The following RERE variants were observed in gnomAD, a reference collection of about 807,000 sequenced individuals.
RERE encodes the protein arginine-glutamic acid dipeptide repeats.
RERE carries 40 observed loss-of-function variants against 146.1 expected under a neutral mutation model. The ratio of observed to expected loss-of-function variants is 0.27; its 90% CI spans 0.21 to 0.36. The LOEUF (loss-of-function observed/expected upper bound fraction) is 0.36. Among genes scored for constraint, RERE ranks in the 10% least tolerant of loss-of-function variants. The probability of loss-of-function intolerance (pLI) is 1.00; values close to 1 mark genes in which losing one functional copy is unlikely to be tolerated. For missense variants in RERE, 1,933 were observed against 2,138.7 expected, an observed-to-expected ratio of 0.90 and a Z score of 1.90; for synonymous variants, 1,003 against 866.0, an observed-to-expected ratio of 1.16 and a Z score of -2.78.
chr1:8,783,220 A>G (rs1641197638), intron 1 of RERE, among the ~76,000 whole-genome samples: 1 of 152,078 alleles, frequency 6.6e-6, no homozygotes, highest in Non-Finnish European at 1.5e-5. Flanking sequence ...CTATATTCCC[A>G]TCTACTTGGG....
chr1:8,779,235 A>C (rs1641122290), intron 1 of RERE, among the ~76,000 whole-genome samples: 1 of 151,868 alleles, frequency 6.6e-6, no homozygotes, highest in South Asian at 2.1e-4. Flanking sequence ...ATCTGCTAGA[A>C]TATAAGTTCC....
chr1:8,403,688 C>T (rs1643344469), intron 12 of RERE, among the ~76,000 whole-genome samples: 1 of 151,970 alleles, frequency 6.6e-6, no homozygotes, highest in African/African-American at 2.4e-5. Context: ...TTCACATAAT[C>T]AGCTTTTGAT....
chr1:8,490,411 G>A (rs1220273749), intron 10 of RERE, among the ~76,000 whole-genome samples: 2 of 149,090 alleles, frequency 1.3e-5, no homozygotes, highest in African/African-American at 5.1e-5. Flanking sequence ...AGCTTCCTAC[G>A]TACAAACAAT....
intron 7 of RERE, among the ~76,000 whole-genome samples, chr1:8,523,886 C>A (rs1270628881): frequency 6.6e-6 from 1 of 152,190 alleles, no homozygotes; most frequent in Non-Finnish European, 1.5e-5. Context: ...TTCCTGTTCA[C>A]ATTTTTATTT....
intron 12 of RERE, among the ~76,000 whole-genome samples, chr1:8,369,372 T>C (rs1401093943): frequency 6.6e-6 from 1 of 151,978 alleles, no homozygotes; most frequent in Non-Finnish European, 1.5e-5. Context: ...AAATCTAACA[T>C]TGAAATCAAC....
intron 12 of RERE, among the ~76,000 whole-genome samples, chr1:8,389,071 A>G (rs1642789220): frequency 6.6e-6 from 1 of 152,216 alleles, no homozygotes; most frequent in African/African-American, 2.4e-5. Context: ...AGGAAAGTAC[A>G]GTGCTTATGA....
chr1:8,358,868 T>C lies in RERE; in HGVS notation c.3667A>G (p.Ser1223Gly), dbSNP rs751551318. ...GATGGCCGCATGTGGCCAGGACCAC[T>C]GAGCTGTGGGTCACTGAGGCGACCT... ...HEGRLSDPQL[S>G]GPGHMRPSFE... The change falls in exon 20 of 23, where the codon AGT becomes GGT. Residue 1223 changes from serine (S) to glycine (G), a missense_variant. Coordinates refer to ENST00000400908, the MANE Select transcript of RERE (RefSeq NM_001042681.2). 2 of 1,583,994 alleles carry C rather than the reference T, an allele frequency of 1.3e-6. No individual in the cohort carries two copies. Among genetic ancestry groups the C allele is most frequent in the African/African-American group, 2.7e-5 (2 of 74,310 alleles).
intron 11 of RERE, among the ~76,000 whole-genome samples, chr1:8,434,083 T>C (rs1053506485): frequency 6.6e-6 from 1 of 152,216 alleles, no homozygotes; most frequent in African/African-American, 2.4e-5. Flanking sequence ...ATCATGATAA[T>C]GGACAGCTCC....
chr1:8,567,355 T>C (rs1324506264), intron 4 of RERE, among the ~76,000 whole-genome samples: 1 of 152,238 alleles, frequency 6.6e-6, no homozygotes, highest in Non-Finnish European at 1.5e-5. Context: ...GGCAGATGAC[T>C]ATTCACAGTG....
At chr1:8,710,220 T>G (rs1639639000) in intron 1 of RERE, among the ~76,000 whole-genome samples, 1 of 152,226 alleles carries the variant, frequency 6.6e-6, no homozygotes, top group South Asian at 2.1e-4. Context: ...ACAGACACTC[T>G]CAATCCCAAA....
At chr1:8,723,631 T>C (rs1032814354) in intron 1 of RERE, among the ~76,000 whole-genome samples, 1 of 152,212 alleles carries the variant, frequency 6.6e-6, no homozygotes, top group Non-Finnish European at 1.5e-5. Context: ...GTTCTTCAAA[T>C]TAAGCAAGTG....
intron 3 of RERE, among the ~76,000 whole-genome samples, chr1:8,617,070 T>C (rs754250130): frequency 5.4e-4 from 82 of 152,218 alleles, no homozygotes; most frequent in Non-Finnish European, 6.9e-4. Flanking sequence ...TCTTGCTTGA[T>C]GCGGTGGTTC....
chr1:8,355,684 A>C, intron 21 of RERE, 85 bp from the exon 22 acceptor site: 1 of 1,180,540 alleles, frequency 8.5e-7, no homozygotes, highest in Non-Finnish European at 1.2e-6. Context: ...CAAACGGCAA[A>C]GAGCACAGGA....
chr1:8,404,290 G>A (rs535679749), intron 12 of RERE, among the ~76,000 whole-genome samples: 23 of 152,198 alleles, frequency 1.5e-4, no homozygotes, highest in Non-Finnish European at 2.6e-4. Context: ...GGTGGCGGGC[G>A]CCTGTAGTCC....
intron 1 of RERE, among the ~76,000 whole-genome samples, chr1:8,775,608 T>A (rs756443164): frequency 2.0e-4 from 31 of 152,206 alleles, no homozygotes; most frequent in Non-Finnish European, 3.7e-4. Context: ...ATAAATCAAC[T>A]TTTTTAAAAA....
At chr1:8,418,917 G>C (rs1643849397) in intron 12 of RERE, among the ~76,000 whole-genome samples, 1 of 152,096 alleles carries the variant, frequency 6.6e-6, no homozygotes, top group Admixed American at 6.5e-5. Flanking sequence ...GTTCTCCACT[G>C]TCCTCCCAAA....
At chr1:8,501,193 T>C (rs1399889195) in intron 8 of RERE, among the ~76,000 whole-genome samples, 2 of 139,506 alleles carry the variant, frequency 1.4e-5, no homozygotes, top group African/African-American at 5.4e-5. Flanking sequence ...AGCCGCCCCG[T>C]CCGGGAGGGA....
chr1:8,731,804 GT>G (rs372557107), intron 1 of RERE, among the ~76,000 whole-genome samples: 3,374 of 151,410 alleles, frequency 0.022, 123 homozygotes, highest in African/African-American at 0.077. Context: ...TTGTTTGTTT[GT>G]TTTGTTTTGT....
At chr1:8,456,532 G>A (rs902946921) in intron 11 of RERE, among the ~76,000 whole-genome samples, 6 of 152,188 alleles carry the variant, frequency 3.9e-5, no homozygotes, top group East Asian at 1.9e-4. Flanking sequence ...AACTGAAGCC[G>A]TAAAAACACT....
Sources: gnomAD v4.1 joint callset for allele counts (sites outside exome capture counted in the v4.1 genomes callset) on GRCh38, gnomAD v4.1.1 for gene constraint, MANE v1.5 for transcripts, NCBI Gene and HGNC (gene_info 2026-07-23, HGNC 2026-07-21) for gene names.